Variants in STIL observed in about 807,000 individuals in gnomAD.
STIL encodes SCL-interrupting locus protein.
In STIL, 55 loss-of-function variants were observed where a neutral mutation model predicts 110.1. That is an observed-to-expected ratio of 0.50 (90% confidence interval 0.40 to 0.63). The LOEUF (loss-of-function observed/expected upper bound fraction) is 0.63. Ranked by LOEUF, STIL falls within the 20% of genes least tolerant of loss-of-function variation. The pLI is 0.00. For missense variants in STIL, 1,358 were observed against 1,530.0 expected (o/e 0.89, Z 1.87); for synonymous variants, 481 against 530.0 (o/e 0.91, Z 1.27).
At chr1:47,262,650 A>T (rs1369243575) in intron 15 of STIL, among the ~76,000 whole-genome samples, 1 of 152,186 alleles carries the variant, frequency 6.6e-6, no homozygotes, top group Non-Finnish European at 1.5e-5. Flanking sequence ...TTTTGGTTTG[A>T]ATTAGGCATA....
rs1645809207 is a variant in STIL at position 47,301,712 on chromosome 1, T to G, written c.302A>C (p.Asp101Ala). The change falls in exon 5 of 17, where the codon GAT (aspartate) becomes GCT (alanine). Residue 101 changes from aspartate (D) to alanine (A), a missense_variant. Physicochemically the swap from Asp to Ala is moderately radical, Grantham distance 126. Coordinates refer to ENST00000371877, the MANE Select transcript of STIL (RefSeq NM_001048166.1). The stretch of plus-strand genomic sequence containing the variant: ...GCATTCAGGTACTTCTCGACCAGGA[T>G]CAAAGCGATCTACTGTCAATGTTAC... ...EGVTLTVDRFDPGREVPECLE... is the reference protein window; with the variant it reads ...EGVTLTVDRFAPGREVPECLE... 2 of 1,613,998 alleles carry G rather than the reference T, an allele frequency of 1.2e-6. No individual in the cohort carries two copies. The highest frequency in any genetic ancestry group is 1.7e-4 in the Middle Eastern group (1 of 6,060).
chr1:47,274,702 TAA>T (rs1177801134), intron 12 of STIL, among the ~76,000 whole-genome samples: 5 of 137,806 alleles, frequency 3.6e-5, no homozygotes, highest in Admixed American at 7.3e-5. Context: ...TCTTCTCCAT[TAA>T]AAAAAAAAAA....
chr1:47,298,058 C>T (rs796391003), intron 6 of STIL, among the ~76,000 whole-genome samples: 59 of 152,242 alleles, frequency 3.9e-4, no homozygotes, highest in African/African-American at 1.3e-3. Flanking sequence ...TTGACCACTC[C>T]ATGATTTTGG....
At chr1:47,302,169 C>T (rs1463393420) in intron 4 of STIL, 65 bp downstream of exon 4, 8 of 1,221,458 alleles carry the variant, frequency 6.5e-6, no homozygotes, top group African/African-American at 1.5e-5. Flanking sequence ...GATCCTCCCA[C>T]TCCAGCCTCC....
chr1:47,265,723 G>GTGAGC (rs748125586), intron 14 of STIL, among the ~76,000 whole-genome samples: 40 of 147,562 alleles, frequency 2.7e-4, no homozygotes, highest in Non-Finnish European at 4.8e-4. Context: ...GGAGGGTGCA[G>GTGAGC]TGAGCTGAGC....
Position 47,269,930 on chromosome 1 carries a change from A to G in STIL, c.2384-64T>C. 3 of 1,477,558 alleles carry G rather than the reference A, an allele frequency of 2.0e-6. No individual in the cohort carries two copies. In the South Asian group the frequency reaches 3.4e-5, roughly 17 times the overall value. 91.5% of individuals were successfully genotyped at this position (1,477,558 alleles called of 1,614,324 possible). ...CAACTTTAAAAATAATACTCTGCCA[A>G]ACCTTTGTTAAGAATAGCCATATTG... is the stretch of plus-strand genomic sequence containing the variant. On this transcript the variant is annotated intron_variant, in intron 13 of 16. Transcript: ENST00000371877.
chr1:47,275,784 C>A (rs1293962799), intron 12 of STIL, among the ~76,000 whole-genome samples: 4 of 151,912 alleles, frequency 2.6e-5, no homozygotes, highest in Admixed American at 2.6e-4. Context: ...AACACTATGG[C>A]CAGTTATTTC....
At chr1:47,295,673 T>C in intron 7 of STIL, 92 bp downstream of exon 7, 1 of 877,050 alleles carries the variant, frequency 1.1e-6, no homozygotes, top group Non-Finnish European at 1.9e-6. Flanking sequence ...TATAAAATGA[T>C]CTAAATATTT....
chr1:47,301,158 G>A (rs1183416027), intron 5 of STIL, among the ~76,000 whole-genome samples: 1 of 152,034 alleles, frequency 6.6e-6, no homozygotes, highest in Non-Finnish European at 1.5e-5. Context: ...GTGTGATCAC[G>A]GCTCAACCTC....
At chr1:47,273,820 G>C (rs1222845016) in intron 12 of STIL, among the ~76,000 whole-genome samples, 1 of 152,020 alleles carries the variant, frequency 6.6e-6, no homozygotes, top group Non-Finnish European at 1.5e-5. Context: ...TATTAATATA[G>C]GAAAATAAGT....
chr1:47,251,907 G>A lies in STIL; in HGVS notation c.3096C>T (p.Ile1032=), dbSNP rs1644195091. The change falls in exon 17 of 17, where the codon ATC becomes ATT. Residue 1032 remains isoleucine, a synonymous_variant. Transcript: ENST00000371877. ...NVDHASVLAC[I]SPEAVISGLN... is the part of the protein sequence containing the mutation. ...ATCCAGAGATCACTGCTTCTGGGCT[G>A]ATGCATGCCAACACACTGAAAGACA... The A allele has an allele frequency of 1.2e-6, 2 of 1,611,350 alleles. No individual in the cohort carries two copies. Among genetic ancestry groups the A allele is most frequent in the Non-Finnish European group, 1.7e-6 (2 of 1,179,250 alleles).
chr1:47,282,187 C>T (rs999844649), intron 11 of STIL, among the ~76,000 whole-genome samples, 158 bp downstream of exon 11: 1 of 151,902 alleles, frequency 6.6e-6, no homozygotes, highest in Non-Finnish European at 1.5e-5. Context: ...CTGTGAAATA[C>T]TTATATCTCT....
At chr1:47,253,042 C>T (rs1347643864) in intron 16 of STIL, among the ~76,000 whole-genome samples, 1 of 152,088 alleles carries the variant, frequency 6.6e-6, no homozygotes, top group East Asian at 1.9e-4. Flanking sequence ...TCTCAAACTC[C>T]TGAGGTAAAG....
At position 47,276,190 on chromosome 1, in the gene STIL, C is replaced by T. The variant is rs895523803; in HGVS notation, c.2218-3949G>A. Among the ~76,000 whole-genome samples, 11 of 151,188 alleles carry T rather than the reference C, an allele frequency of 7.3e-5. No homozygotes were observed. The East Asian group carries it at 1.2e-3, about 16-fold the overall frequency. ...GTAATTTTTGTATTTTTAGTAGAGA[C>T]GGGATTTCACCATGTTGGCCAGGCT... On this transcript the variant is annotated intron_variant, in intron 12 of 16. Coordinates refer to ENST00000371877, the MANE Select transcript of STIL (RefSeq NM_001048166.1).
chr1:47,267,482 C>A (rs1008180929), intron 14 of STIL, among the ~76,000 whole-genome samples: 2 of 151,764 alleles, frequency 1.3e-5, no homozygotes, highest in Admixed American at 6.6e-5. Flanking sequence ...AGGCAGGTGG[C>A]TAACCTGAGG....
chr1:47,301,640 G>T lies in STIL; in HGVS notation c.374C>A (p.Pro125Gln). 6.2e-7 allele frequency: 1 copy of T among 1,613,902 alleles called. No individual in the cohort carries two copies. The highest frequency in any genetic ancestry group is 1.3e-5 in the African/African-American group (1 of 75,010). Residue 125 changes from proline (P) to glutamine (Q), a missense_variant, in exon 5 of 17, where the codon CCA becomes CAA. Transcript: ENST00000371877. ...TASLPGDFLI[P>Q]CKVHTQELCS... ...AAGTTCTTGAGTATGAACTTTGCATGGAATCAAAAAGTCCCCAGGAAGAGA... is the reference window on the plus strand; with the variant it reads ...AAGTTCTTGAGTATGAACTTTGCATTGAATCAAAAAGTCCCCAGGAAGAGA...
chr1:47,270,105 G>A (rs1193088293), intron 13 of STIL, among the ~76,000 whole-genome samples: 1 of 151,726 alleles, frequency 6.6e-6, no homozygotes, highest in Non-Finnish European at 1.5e-5. Flanking sequence ...GCCAGGTGTG[G>A]TGGTGTGCCT....
intron 14 of STIL, among the ~76,000 whole-genome samples, chr1:47,265,783 C>CAAAAAA (rs1179019596): frequency 1.0e-3 from 66 of 65,488 alleles, no homozygotes; most frequent in Non-Finnish European, 1.2e-3. Flanking sequence ...AAGACTGTCT[C>CAAAAAA]AAAAAAAAAA....
Position 47,272,099 on chromosome 1 carries a change from C to A in STIL, c.2360G>T (p.Gly787Val). ...ACCTGTGCTCACAGCAATGCTTACA[C>A]CTTTTCTCATGTGCAAGCCAGGGGA... Reference protein sequence around the residue: ...QSSPGLHMRKGVSIAVSTGAS... With the variant: ...QSSPGLHMRKVVSIAVSTGAS... The change falls in exon 13 of 17, where the codon GGT becomes GTT. Residue 787 changes from glycine to valine, a missense_variant. By Grantham distance (109) the Gly-to-Val change is moderately radical. Transcript: ENST00000371877. 6.2e-7 allele frequency: 1 copy of A among 1,614,142 alleles called. No individual in the cohort carries two copies. Among genetic ancestry groups the A allele is most frequent in the South Asian group, 1.1e-5 (1 of 91,084 alleles).
Sources: allele counts gnomAD v4.1 joint callset (sites outside exome capture counted in the v4.1 genomes callset), GRCh38; gene constraint gnomAD v4.1.1; transcripts MANE v1.5; gene names NCBI Gene and HGNC (gene_info 2026-07-23, HGNC 2026-07-21).